Variants in GARRE1 observed in about 807,000 individuals in gnomAD.
The protein encoded by GARRE1 is granule associated Rac and RHOG effector protein 1.
GARRE1 carries 49 observed loss-of-function variants against 103.2 expected under a neutral mutation model. That is an observed-to-expected ratio of 0.47 (90% CI 0.38 to 0.60). GARRE1 has a LOEUF of 0.60. Among genes scored for constraint, GARRE1 ranks in the 20% least tolerant of loss-of-function variants. The pLI is 0.00. For synonymous variants in GARRE1, 505 were observed against 532.8 expected, an observed-to-expected ratio of 0.95 and a Z score of 0.72; for missense variants, 1,199 against 1,370.5, an observed-to-expected ratio of 0.87 and a Z score of 1.98.
chr19:34,331,112 G>T (rs181188583), intron 7 of GARRE1, among the ~76,000 whole-genome samples: 1 of 151,688 alleles, frequency 6.6e-6, no homozygotes, highest in Non-Finnish European at 1.5e-5. Flanking sequence ...TGTTGGCCAG[G>T]CTGGTCTCGA....
At chr19:34,306,266 C>G (rs1323061282) in intron 2 of GARRE1, among the ~76,000 whole-genome samples, 1 of 152,200 alleles carries the variant, frequency 6.6e-6, no homozygotes, top group African/African-American at 2.4e-5. Context: ...GGAGCTCAGT[C>G]CAGGACTGTG....
intron 4 of GARRE1, 67 bp from the exon 5 acceptor site, chr19:34,327,704 T>C (rs1374575099): frequency 1.3e-6 from 2 of 1,504,348 alleles, no homozygotes; most frequent in East Asian, 4.5e-5. Flanking sequence ...GATTTCTATT[T>C]CCATTGAACT....
Position 34,320,093 on chromosome 19 carries a change from C to T in GARRE1, c.682C>T (p.Arg228Trp), listed in dbSNP as rs199555885. The T allele has an allele frequency of 4.3e-6, 7 of 1,614,008 alleles. No homozygotes were observed. Among genetic ancestry groups the T allele is most frequent in the African/African-American group, 4.0e-5 (3 of 75,056 alleles). The change falls in exon 3 of 14, where the codon CGG becomes TGG. Residue 228 changes from arginine (R) to tryptophan (W), a missense_variant. Physicochemically the swap from Arg to Trp is moderately radical, Grantham distance 101. Transcript: ENST00000299505. ...CACACCTGAAGTAGAGGAAGCTGTGCGGTCCTGGCGGGGGGCTGCTGAGGT... is the reference window on the plus strand; with the variant it reads ...CACACCTGAAGTAGAGGAAGCTGTGTGGTCCTGGCGGGGGGCTGCTGAGGT... ...GHTPEVEEAV[R>W]SWRGAAEATS...
At position 34,304,629 on chromosome 19, in the gene GARRE1, C is replaced by T. The variant is rs1040487910; in HGVS notation, c.495+3661C>T. Among the ~76,000 whole-genome samples the T allele has an allele frequency of 2.6e-5, 4 of 152,092 alleles. No individual in the cohort carries two copies. In the South Asian group the frequency reaches 6.2e-4, roughly 24 times the overall value. ...CTGACCTCAAGTGATCCACCTACCT[C>T]GGCCTTCCAAAGTGTTGGAATTACA... On this transcript the variant is annotated intron_variant, in intron 2 of 13. Coordinates refer to ENST00000299505, the MANE Select transcript of GARRE1 (RefSeq NM_014686.5).
intron 1 of GARRE1, among the ~76,000 whole-genome samples, chr19:34,286,533 CTTT>C (rs34242130): frequency 9.5e-6 from 1 of 105,722 alleles, no homozygotes; most frequent in Non-Finnish European, 2.0e-5. Flanking sequence ...TTTCTGTATT[CTTT>C]TTTTTTTTTT....
chr19:34,344,407 G>A (rs960633484), intron 10 of GARRE1, among the ~76,000 whole-genome samples: 1 of 151,778 alleles, frequency 6.6e-6, no homozygotes, highest in African/African-American at 2.4e-5. Context: ...CGGCTAAAAC[G>A]GTGAAACCCC....
At position 34,296,739 on chromosome 19, in the gene GARRE1, C is replaced by G. The variant is rs1025718294; in HGVS notation, c.-795-2940C>G. The G allele has an allele frequency of 2.6e-5, 17 of 660,082 alleles. No homozygotes were observed. The African/African-American group carries it at 2.9e-4, about 11-fold the overall frequency. The allele number at this position is 660,082 out of a possible 1,614,324, so 40.9% of individuals were successfully genotyped here. A position where few individuals can be genotyped will look rare whatever the true frequency, so the allele number is the denominator to read the frequency against. The stretch of plus-strand genomic sequence containing the variant: ...TGTGGTATGGTTCTTGGACTTGGCC[C>G]TGTCTGTACCTTAAGCCGCAGCTCC... On this transcript the variant is annotated intron_variant, in intron 1 of 13. Transcript: ENST00000299505.
At chr19:34,333,845 C>T (rs968237884) in intron 8 of GARRE1, 44 bp downstream of exon 8, 9 of 1,101,858 alleles carry the variant, frequency 8.2e-6, no homozygotes, top group East Asian at 7.2e-5. Flanking sequence ...CTCTGACTGA[C>T]GTTTGCACAT....
chr19:34,345,649 GTC>G (rs898780073), intron 10 of GARRE1, among the ~76,000 whole-genome samples: 6 of 151,968 alleles, frequency 3.9e-5, no homozygotes, highest in Admixed American at 3.9e-4. Flanking sequence ...GCGAAACCCC[GTC>G]TCTACCAAAA....
chr19:34,286,745 C>A (rs1273730295), intron 1 of GARRE1, among the ~76,000 whole-genome samples: 1 of 147,928 alleles, frequency 6.8e-6, no homozygotes, highest in African/African-American at 2.5e-5. Flanking sequence ...TCGTGATCCG[C>A]CCGCCTCGGC....
At chr19:34,324,046 G>A (rs2074101105) in intron 3 of GARRE1, among the ~76,000 whole-genome samples, 1 of 152,042 alleles carries the variant, frequency 6.6e-6, no homozygotes, top group Admixed American at 6.6e-5. Context: ...GACAGCAGAG[G>A]AGGTGCCCTC....
chr19:34,293,905 C>T (rs923674932), intron 1 of GARRE1, among the ~76,000 whole-genome samples: 1 of 151,100 alleles, frequency 6.6e-6, no homozygotes, highest in East Asian at 1.9e-4. Context: ...ATTATAGGCA[C>T]GCGTCACTAC....
chr19:34,285,248 T>A (rs2073879445), intron 1 of GARRE1: 1 of 152,146 alleles, frequency 6.6e-6, no homozygotes. Flanking sequence ...GATATTATGA[T>A]CACTGCCATG....
intron 2 of GARRE1, among the ~76,000 whole-genome samples, chr19:34,301,929 C>T (rs868868684): frequency 1.3e-5 from 2 of 150,478 alleles, no homozygotes; most frequent in East Asian, 1.9e-4. Flanking sequence ...GTGATCTGCC[C>T]GCCTTGGTCT....
At chr19:34,344,689 T>C (rs1295043594) in intron 10 of GARRE1, among the ~76,000 whole-genome samples, 1 of 152,090 alleles carries the variant, frequency 6.6e-6, no homozygotes, top group African/African-American at 2.4e-5. Flanking sequence ...CTCTTTTTTT[T>C]TGAGACAGAG....
At chr19:34,265,270 G>T (rs1307109769) in intron 1 of GARRE1, among the ~76,000 whole-genome samples, 1 of 152,186 alleles carries the variant, frequency 6.6e-6, no homozygotes, top group African/African-American at 2.4e-5. Context: ...GGGAAAGCTG[G>T]CTTGGCTCCC....
At chr19:34,320,619 C>T (rs1455012061) in intron 3 of GARRE1, among the ~76,000 whole-genome samples, 1 of 152,144 alleles carries the variant, frequency 6.6e-6, no homozygotes, top group East Asian at 1.9e-4. Flanking sequence ...GGCGAGAGCT[C>T]AGTGGACACA....
At chr19:34,306,936 G>A (rs1010663976) in intron 2 of GARRE1, among the ~76,000 whole-genome samples, 2 of 152,020 alleles carry the variant, frequency 1.3e-5, no homozygotes, top group African/African-American at 4.8e-5. Flanking sequence ...AGTTAGAAAA[G>A]GTACCACTGA....
At chr19:34,313,987 G>A (rs535516571) in intron 2 of GARRE1, among the ~76,000 whole-genome samples, 1 of 151,992 alleles carries the variant, frequency 6.6e-6, no homozygotes, top group Non-Finnish European at 1.5e-5. Context: ...TTTTTGTAGA[G>A]ACAGGGTTTC....
Sources: gnomAD v4.1 joint callset for allele counts (sites outside exome capture counted in the v4.1 genomes callset) on GRCh38, gnomAD v4.1.1 for gene constraint, MANE v1.5 for transcripts, NCBI Gene and HGNC (gene_info 2026-07-23, HGNC 2026-07-21) for gene names.